The following HPSE2 variants were observed in gnomAD, a reference collection of about 807,000 sequenced individuals.
HPSE2 encodes the protein heparanase 2 (inactive).
In HPSE2, 38 loss-of-function variants were observed where a neutral mutation model predicts 60.5. The ratio of observed to expected loss-of-function variants is 0.63; its 90% CI spans 0.48 to 0.82. The LOEUF is 0.82. Among genes scored for constraint, HPSE2 ranks in the 40% least tolerant of loss-of-function variants. HPSE2 has a pLI of 0.00. For synonymous variants in HPSE2, 295 were observed against 293.2 expected, an observed-to-expected ratio of 1.01 and a Z score of -0.06; for missense variants, 713 against 740.4, an observed-to-expected ratio of 0.96 and a Z score of 0.43.
intron 9 of HPSE2, among the ~76,000 whole-genome samples, chr10:98,496,993 C>A (rs1170623040): frequency 6.6e-6 from 1 of 151,762 alleles, no homozygotes; most frequent in African/African-American, 2.4e-5. Flanking sequence ...TACATCTTCA[C>A]TTATATTTCT....
At chr10:98,778,521 A>G (rs1950397354) in intron 3 of HPSE2, among the ~76,000 whole-genome samples, 1 of 152,152 alleles carries the variant, frequency 6.6e-6, no homozygotes, top group African/African-American at 2.4e-5. Flanking sequence ...GCTGTCCCAC[A>G]GGGAAGTGGT....
chr10:99,211,816 T>C (rs1044343156), intron 2 of HPSE2, among the ~76,000 whole-genome samples: 4 of 151,984 alleles, frequency 2.6e-5, no homozygotes, highest in African/African-American at 9.7e-5. Context: ...ATTTTTTGGA[T>C]ATGAACAGGC....
chr10:98,693,339 G>T (rs1484588067), intron 6 of HPSE2, among the ~76,000 whole-genome samples: 1 of 152,072 alleles, frequency 6.6e-6, no homozygotes, highest in Non-Finnish European at 1.5e-5. Context: ...TCATTATCCT[G>T]CAGTAACAGG....
chr10:98,530,024 A>C (rs1943082978), intron 9 of HPSE2, among the ~76,000 whole-genome samples: 1 of 152,124 alleles, frequency 6.6e-6, no homozygotes, highest in African/African-American at 2.4e-5. Context: ...ATCCCTGCTG[A>C]CTCTGGGACA....
intron 7 of HPSE2, 125 bp downstream of exon 7, chr10:98,641,722 C>A (rs1946641836): frequency 1.3e-6 from 1 of 780,310 alleles, no homozygotes; most frequent in Non-Finnish European, 2.3e-6. Context: ...CCCATCTAGA[C>A]TGCACTATTT....
chr10:99,198,143 AT>A (rs1205239571), intron 2 of HPSE2, among the ~76,000 whole-genome samples: 4 of 152,190 alleles, frequency 2.6e-5, no homozygotes, highest in Admixed American at 6.5e-5. Flanking sequence ...TTCTTGAGGA[AT>A]AAAAAACAAT....
intron 3 of HPSE2, among the ~76,000 whole-genome samples, chr10:98,746,586 T>C (rs2134338412): frequency 6.6e-6 from 1 of 152,158 alleles, no homozygotes; most frequent in African/African-American, 2.4e-5. Context: ...GATTTTCAAA[T>C]TTATGAAAAG....
intron 3 of HPSE2, among the ~76,000 whole-genome samples, chr10:98,986,425 A>C (rs543411386): frequency 1.3e-5 from 2 of 151,590 alleles, no homozygotes; most frequent in East Asian, 3.9e-4. Flanking sequence ...GCAGAAATAA[A>C]GATGTTCTTT....
At chr10:99,102,360 G>A (rs528430255) in intron 3 of HPSE2, among the ~76,000 whole-genome samples, 59 of 152,108 alleles carry the variant, frequency 3.9e-4, no homozygotes, top group Non-Finnish European at 6.8e-4. Flanking sequence ...ACACCTCTAC[G>A]GAAATAAACG....
intron 3 of HPSE2, among the ~76,000 whole-genome samples, chr10:99,005,911 T>C (rs563191893): frequency 2.6e-5 from 4 of 152,264 alleles, no homozygotes; most frequent in Non-Finnish European, 4.4e-5. Flanking sequence ...TCTTTGGACA[T>C]GTAGCCTCGT....
the HPSE2 span, among the ~76,000 whole-genome samples, chr10:99,303,614 C>T: frequency 6.6e-6 from 1 of 152,202 alleles, no homozygotes. Context: ...TAGTTGGGTA[C>T]ACCCGTCCAG....
chr10:98,713,890 A>T (rs947734845), intron 5 of HPSE2, among the ~76,000 whole-genome samples: 6 of 151,898 alleles, frequency 4.0e-5, no homozygotes, highest in African/African-American at 1.4e-4. Flanking sequence ...AATAGTTTAG[A>T]CAATATTTTC....
At chr10:99,132,961 A>C (rs1048276434) in intron 3 of HPSE2, among the ~76,000 whole-genome samples, 1 of 152,180 alleles carries the variant, frequency 6.6e-6, no homozygotes, top group Non-Finnish European at 1.5e-5. Context: ...TCCCACCCCC[A>C]CAGAGCCCAG....
At chr10:99,143,209 T>G (rs571958160) in intron 3 of HPSE2, among the ~76,000 whole-genome samples, 12 of 152,144 alleles carry the variant, frequency 7.9e-5, no homozygotes, top group Non-Finnish European at 1.8e-4. Context: ...AAAGCCACAT[T>G]TAAGTCTGGC....
chr10:98,555,846 G>A (rs1943993466), intron 9 of HPSE2, among the ~76,000 whole-genome samples: 2 of 152,300 alleles, frequency 1.3e-5, no homozygotes, highest in Admixed American at 1.3e-4. Context: ...AATGAAGCAA[G>A]TAAACAGCCA....
the HPSE2 span, among the ~76,000 whole-genome samples, chr10:99,305,355 T>C: frequency 3.3e-5 from 5 of 152,174 alleles, no homozygotes; most frequent in Non-Finnish European, 7.3e-5. Flanking sequence ...TGAAAAGCCA[T>C]GAAGTACCAC....
At chr10:98,624,602 C>T (rs656707) in intron 7 of HPSE2, among the ~76,000 whole-genome samples, 36,371 of 152,026 alleles carry the variant, frequency 0.24, 4,534 homozygotes, top group Admixed American at 0.32. Flanking sequence ...ATCATATATA[C>T]ATAATGAAAC....
intron 9 of HPSE2, 47 bp from the exon 10 acceptor site, chr10:98,490,243 AGGTGTTCT>A: frequency 6.3e-7 from 1 of 1,576,504 alleles, no homozygotes. Context: ...ACACATGCTC[AGGTGTTCT>A]GAGTAAACAT....
intron 9 of HPSE2, among the ~76,000 whole-genome samples, chr10:98,495,153 T>G: frequency 6.6e-6 from 1 of 152,156 alleles, no homozygotes; most frequent in East Asian, 1.9e-4. Context: ...TTTTGATGGA[T>G]ATAGGATTCT....
Sources: allele counts gnomAD v4.1 joint callset (sites outside exome capture counted in the v4.1 genomes callset), GRCh38; gene constraint gnomAD v4.1.1; transcripts MANE v1.5; gene names NCBI Gene and HGNC (gene_info 2026-07-23, HGNC 2026-07-21).